ETV6: variants seen among roughly 807,000 people sequenced by gnomAD.
The protein encoded by ETV6 is ETS variant transcription factor 6.
Under a neutral mutation model 51.1 loss-of-function variants are expected in ETV6, and 16 were observed. The observed-to-expected ratio is 0.31, with a 90% CI of 0.21 to 0.48. The LOEUF is 0.48. Ranked by LOEUF, ETV6 falls within the 20% of genes least tolerant of loss-of-function variation. The pLI, the probability that ETV6 is intolerant of heterozygous loss-of-function variation, is 0.99. For missense variants in ETV6, 458 were observed against 594.8 expected (o/e 0.77, Z 2.39); for synonymous variants, 240 against 224.1 (o/e 1.07, Z -0.64).
intron 1 of ETV6, among the ~76,000 whole-genome samples, chr12:11,721,832 C>T (rs768638261): frequency 3.3e-5 from 5 of 152,202 alleles, no homozygotes; most frequent in Admixed American, 1.3e-4. Flanking sequence ...ATTTTTCTTA[C>T]GAGAGTAAAA....
intron 1 of ETV6, among the ~76,000 whole-genome samples, chr12:11,707,878 A>G (rs190050524): frequency 1.3e-5 from 2 of 152,358 alleles, no homozygotes; most frequent in East Asian, 3.9e-4. Context: ...AAACTGAACT[A>G]GAACATGGTT....
At chr12:11,820,484 G>A (rs1163808730) in intron 2 of ETV6, among the ~76,000 whole-genome samples, 3 of 152,164 alleles carry the variant, frequency 2.0e-5, no homozygotes, top group African/African-American at 4.8e-5. Flanking sequence ...AAAGAAGACC[G>A]GGGGAGTCTG....
intron 1 of ETV6, among the ~76,000 whole-genome samples, chr12:11,741,224 C>A (rs983981719): frequency 1.3e-5 from 2 of 152,080 alleles, no homozygotes; most frequent in Non-Finnish European, 2.9e-5. Context: ...TCCCACTGGC[C>A]CCTTTAAAAT....
intron 1 of ETV6, among the ~76,000 whole-genome samples, chr12:11,682,515 G>T (rs905158512): frequency 2.0e-5 from 3 of 152,152 alleles, no homozygotes; most frequent in African/African-American, 7.2e-5. Context: ...TCTGTAGGTT[G>T]TCTGCTCACT....
At chr12:11,689,663 C>T (rs1440403682) in intron 1 of ETV6, among the ~76,000 whole-genome samples, 2 of 151,870 alleles carry the variant, frequency 1.3e-5, no homozygotes, top group East Asian at 3.9e-4. Flanking sequence ...AGGTTAGGGG[C>T]TTGGTTTGAG....
At chr12:11,658,006 A>G (rs1229063850) in intron 1 of ETV6, among the ~76,000 whole-genome samples, 1 of 152,198 alleles carries the variant, frequency 6.6e-6, no homozygotes, top group East Asian at 1.9e-4. Context: ...AACTTGTTCA[A>G]GCTACTTAAT....
At chr12:11,789,591 G>C (rs73292433) in intron 2 of ETV6, among the ~76,000 whole-genome samples, 50,208 of 152,018 alleles carry the variant, frequency 0.33, 8,563 homozygotes, top group Admixed American at 0.45. Flanking sequence ...GAAAGGGTAG[G>C]GGGGAGGCAA....
intron 1 of ETV6, among the ~76,000 whole-genome samples, chr12:11,725,013 T>A (rs1183756218): frequency 6.6e-6 from 1 of 152,132 alleles, no homozygotes; most frequent in Non-Finnish European, 1.5e-5. Context: ...TTTATGACTG[T>A]TTCTTTTATC....
At chr12:11,797,155 G>A (rs1361603347) in intron 2 of ETV6, among the ~76,000 whole-genome samples, 1 of 152,108 alleles carries the variant, frequency 6.6e-6, no homozygotes, top group Admixed American at 6.5e-5. Flanking sequence ...ATCTAATCAT[G>A]CCTCTCCATT....
At chr12:11,760,469 C>T (rs1315694267) in intron 2 of ETV6, among the ~76,000 whole-genome samples, 1 of 152,180 alleles carries the variant, frequency 6.6e-6, no homozygotes. Flanking sequence ...AGGCTAAATT[C>T]TCTACTTCTG....
chr12:11,735,622 T>TG (rs1159590934), intron 1 of ETV6, among the ~76,000 whole-genome samples: 1 of 152,130 alleles, frequency 6.6e-6, no homozygotes, highest in Non-Finnish European at 1.5e-5. Context: ...TTTTTTGAGA[T>TG]GGAGTTTCAC....
At chr12:11,834,387 A>G (rs540250743) in intron 2 of ETV6, among the ~76,000 whole-genome samples, 1 of 152,316 alleles carries the variant, frequency 6.6e-6, no homozygotes, top group East Asian at 1.9e-4. Flanking sequence ...TTATACAGAA[A>G]GTTTGGATAA....
At chr12:11,718,006 C>A (rs545265835) in intron 1 of ETV6, among the ~76,000 whole-genome samples, 2 of 151,992 alleles carry the variant, frequency 1.3e-5, no homozygotes, top group African/African-American at 4.8e-5. Flanking sequence ...CAGAATGCCA[C>A]CTTTTAAAAC....
intron 4 of ETV6, among the ~76,000 whole-genome samples, chr12:11,862,931 T>A (rs1176446795): frequency 6.6e-6 from 1 of 152,196 alleles, no homozygotes; most frequent in Admixed American, 6.5e-5. Context: ...TTCCCACTAA[T>A]TTTTAACAAA....
At chr12:11,724,009 A>G (rs754259573) in intron 1 of ETV6, among the ~76,000 whole-genome samples, 2 of 151,916 alleles carry the variant, frequency 1.3e-5, no homozygotes, top group Non-Finnish European at 2.9e-5. Context: ...TGACCCGTGC[A>G]GTGGTGGCAT....
At chr12:11,888,946 T>C (rs968574349) in intron 7 of ETV6, among the ~76,000 whole-genome samples, 1 of 152,120 alleles carries the variant, frequency 6.6e-6, no homozygotes, top group Non-Finnish European at 1.5e-5. Flanking sequence ...GCCTGTAGTT[T>C]TATGTGTCAA....
At chr12:11,652,799 G>T (rs1437609128) in intron 1 of ETV6, among the ~76,000 whole-genome samples, 1 of 152,332 alleles carries the variant, frequency 6.6e-6, no homozygotes. Flanking sequence ...TTTCTGAATT[G>T]GTCAATCAGT....
chr12:11,784,862 A>ATTTTTTTT (rs34004409), intron 2 of ETV6, among the ~76,000 whole-genome samples: 11 of 85,758 alleles, frequency 1.3e-4, no homozygotes, highest in African/African-American at 4.8e-4. Flanking sequence ...TGCCTTGCTA[A>ATTTTTTTT]TTTTTTTTTT....
intron 2 of ETV6, chr12:11,826,277 A>T (rs185745766): frequency 1.3e-5 from 2 of 152,380 alleles, no homozygotes; most frequent in East Asian, 3.9e-4. Flanking sequence ...TCCATCCATG[A>T]TGAGCCACTC....
Sources: allele counts gnomAD v4.1 joint callset (sites outside exome capture counted in the v4.1 genomes callset), GRCh38; gene constraint gnomAD v4.1.1; transcripts MANE v1.5; gene names NCBI Gene and HGNC (gene_info 2026-07-23, HGNC 2026-07-21).